TNFRSF8: variants seen among roughly 807,000 people sequenced by gnomAD.
The protein encoded by TNFRSF8 is tumor necrosis factor receptor superfamily member 8.
TNFRSF8 carries 26 observed loss-of-function variants against 70.8 expected under a neutral mutation model. The ratio of observed to expected loss-of-function variants is 0.37; its 90% CI spans 0.27 to 0.51. TNFRSF8 has a LOEUF of 0.51. TNFRSF8 is among the 20% of genes least tolerant of loss of function. The pLI, the probability that TNFRSF8 is intolerant of heterozygous loss-of-function variation, is 0.94. For synonymous variants in TNFRSF8, 356 were observed against 339.2 expected, an observed-to-expected ratio of 1.05 and a Z score of -0.54; for missense variants, 720 against 807.9, an observed-to-expected ratio of 0.89 and a Z score of 1.32.
chr1:12,122,757 T>G (rs1641852802), intron 8 of TNFRSF8, among the ~76,000 whole-genome samples: 1 of 152,216 alleles, frequency 6.6e-6, no homozygotes, highest in African/African-American at 2.4e-5. Flanking sequence ...AGTTTTCTCT[T>G]AAAAGCAAAA....
Position 12,112,092 on chromosome 1 carries a change from C to T in TNFRSF8, c.793+78C>T. Reference sequence around the variant, plus strand: ...CCGTGAACTTCCAGTAACTACTCCCCCTTATGTTTGTGGGTTTTTGATGGG... The same window carrying T: ...CCGTGAACTTCCAGTAACTACTCCCTCTTATGTTTGTGGGTTTTTGATGGG... On this transcript the variant is annotated intron_variant, in intron 7 of 14. Coordinates refer to ENST00000263932, the MANE Select transcript of TNFRSF8 (RefSeq NM_001243.5). The surrounding 1 kb of genome is among the most constrained non-coding windows in gnomAD (Gnocchi z 5.3). 2.8e-6 allele frequency: 3 copies of T among 1,061,844 alleles called. No homozygotes were observed. Among genetic ancestry groups the T allele is most frequent in the Non-Finnish European group, 2.8e-6 (2 of 710,082 alleles). 65.8% of individuals were successfully genotyped at this position (1,061,844 alleles called of 1,614,324 possible).
Position 12,063,799 on chromosome 1 carries a change from G to C in TNFRSF8, c.63+138G>C. The stretch of plus-strand genomic sequence containing the variant: ...GTGAGGGGGCGCGGGTGACAAGCAG[G>C]AACACCGGAATATGCTAGCACCCAC... On this transcript the variant is annotated intron_variant, in intron 1 of 14. Transcript: ENST00000263932. The surrounding 1 kb of genome is among the most constrained non-coding windows in gnomAD (Gnocchi z 7.2). 1 of 811,130 alleles carries C rather than the reference G, an allele frequency of 1.2e-6. No individual in the cohort carries two copies. Among genetic ancestry groups the C allele is most frequent in the Non-Finnish European group, 1.7e-6 (1 of 601,734 alleles). 50.2% of individuals were successfully genotyped at this position (811,130 alleles called of 1,614,324 possible).
At chr1:12,073,560 C>T (rs1280751419) in intron 1 of TNFRSF8, among the ~76,000 whole-genome samples, 3 of 149,966 alleles carry the variant, frequency 2.0e-5, no homozygotes, top group African/African-American at 7.3e-5. Flanking sequence ...TTTTCCCTTT[C>T]CCTTTCCTTT....
At chr1:12,071,935 G>A (rs558323895) in intron 1 of TNFRSF8, among the ~76,000 whole-genome samples, 1 of 152,290 alleles carries the variant, frequency 6.6e-6, no homozygotes, top group African/African-American at 2.4e-5. Flanking sequence ...GACCTCAAGT[G>A]ATCCACCCAT....
In TNFRSF8 at chr1:12,112,006, G is replaced by C; in HGVS notation, c.785G>C (p.Cys262Ser). The change falls in exon 7 of 15, where the codon TGT becomes TCT. Residue 262 changes from cysteine (C) to serine (S), a missense_variant. Cys to Ser is a moderately radical substitution (Grantham distance 112, BLOSUM62 -1). Coordinates refer to ENST00000263932, the MANE Select transcript of TNFRSF8 (RefSeq NM_001243.5). This position sits in a 1 kb window ranked among gnomAD's most constrained non-coding sequence, Gnocchi z 5.3. ...EAGRCTACVS[C>S]SRDDLVEKTP... ...GGCCGCTGCACGGCCTGCGTGAGCT[G>C]TTCTCGAGGTAAGGGCCTCGTCCCT... is the stretch of plus-strand genomic sequence containing the variant. 1 of 1,613,864 alleles carries C rather than the reference G, an allele frequency of 6.2e-7. No homozygotes were observed. The highest frequency in any genetic ancestry group is 8.5e-7 in the Non-Finnish European group (1 of 1,179,810).
chr1:12,079,546 G>A (rs953945808), intron 1 of TNFRSF8, among the ~76,000 whole-genome samples: 1 of 152,238 alleles, frequency 6.6e-6, no homozygotes, highest in African/African-American at 2.4e-5. Context: ...GACTTCTCCG[G>A]GCAGCGGCAG....
rs1302071440 is a variant in TNFRSF8 at position 12,142,795 on chromosome 1, T to C, written c.*264T>C. The C allele has an allele frequency of 2.9e-5, 13 of 451,766 alleles. No homozygotes were observed. The highest frequency in any genetic ancestry group is 7.9e-6 in the Non-Finnish European group (2 of 253,092). 28.0% of individuals were successfully genotyped at this position (451,766 alleles called of 1,614,324 possible). ...AGGGGACTGGATCCCAGCAGTGATG[T>C]TGGTTGAGGCAGCAAACAGATGGCA... is the stretch of plus-strand genomic sequence containing the variant. On this transcript the variant is annotated 3_prime_UTR_variant, in exon 15 of 15. Transcript: ENST00000263932. The surrounding 1 kb of genome is among the most constrained non-coding windows in gnomAD (Gnocchi z 5.0).
chr1:12,117,659 C>T (rs1203119456), intron 8 of TNFRSF8, among the ~76,000 whole-genome samples: 1 of 152,162 alleles, frequency 6.6e-6, no homozygotes, highest in Non-Finnish European at 1.5e-5. Flanking sequence ...TGTCCCCGCT[C>T]AGTGACTGGA....
intron 1 of TNFRSF8, among the ~76,000 whole-genome samples, chr1:12,076,847 G>A (rs952673093): frequency 6.6e-6 from 1 of 152,190 alleles, no homozygotes; most frequent in Non-Finnish European, 1.5e-5. Flanking sequence ...CAGTTAGGAG[G>A]TGACTACTGA....
chr1:12,126,032 G>T lies in TNFRSF8; in HGVS notation c.1235G>T (p.Cys412Phe). 6.2e-7 allele frequency: 1 copy of T among 1,614,178 alleles called. No homozygotes were observed. The highest frequency in any genetic ancestry group is 8.5e-7 in the Non-Finnish European group (1 of 1,180,008). ...SAFLLCHRRA[C>F]RKRIRQKLHL... ...TTCCTCCTGTGCCACCGGAGGGCCT[G>T]CAGGAAGCGAATTCGGCAGAGTAAG... is the stretch of plus-strand genomic sequence containing the variant. The change falls in exon 11 of 15, where the codon TGC becomes TTC. Residue 412 changes from cysteine to phenylalanine, a missense_variant. Physicochemically the swap from Cys to Phe is radical, Grantham distance 205 (BLOSUM62 -2). Transcript: ENST00000263932.
At chr1:12,082,293 C>T (rs901844657) in intron 1 of TNFRSF8, among the ~76,000 whole-genome samples, 1 of 152,186 alleles carries the variant, frequency 6.6e-6, no homozygotes, top group Non-Finnish European at 1.5e-5. Context: ...CGCCTGTAAT[C>T]CCAGCATTGT....
chr1:12,091,069 C>CA (rs1419792356), intron 2 of TNFRSF8, among the ~76,000 whole-genome samples: 1 of 152,150 alleles, frequency 6.6e-6, no homozygotes, highest in Non-Finnish European at 1.5e-5. Flanking sequence ...ATCTGTAAGT[C>CA]AGAGAGAAAG....
chr1:12,114,898 G>A (rs1463376912), intron 7 of TNFRSF8, among the ~76,000 whole-genome samples: 2 of 151,636 alleles, frequency 1.3e-5, no homozygotes, highest in South Asian at 2.1e-4. Flanking sequence ...TAGTAGAGAC[G>A]GGGTTTCACC....
chr1:12,110,467 A>G lies in TNFRSF8; in HGVS notation c.676+263A>G, dbSNP rs1641609808. Among the ~76,000 whole-genome samples, 1 of 151,868 alleles carries G rather than the reference A, an allele frequency of 6.6e-6. No individual in the cohort carries two copies. On this transcript the variant is annotated intron_variant, in intron 6 of 14. Transcript: ENST00000263932. This position sits in a 1 kb window ranked among gnomAD's most constrained non-coding sequence, Gnocchi z 4.0. ...CCCATCTCTCCCTCTATTTCCCTCT[A>G]CGTTGGTTTGTCAGAGGGAAATGGG...
Position 12,063,573 on chromosome 1 carries a change from A to G in TNFRSF8, c.-26A>G. The G allele has an allele frequency of 1.5e-6, 2 of 1,309,564 alleles. No homozygotes were observed. Among genetic ancestry groups the G allele is most frequent in the Non-Finnish European group, 9.8e-7 (1 of 1,021,888 alleles). 81.1% of individuals were successfully genotyped at this position (1,309,564 alleles called of 1,614,324 possible). A position where few individuals can be genotyped will look rare whatever the true frequency, so the allele number is the denominator to read the frequency against. On this transcript the variant is annotated 5_prime_UTR_variant, in exon 1 of 15. Transcript: ENST00000263932. This position sits in a 1 kb window ranked among gnomAD's most constrained non-coding sequence, Gnocchi z 7.2. ...GCTTCCCAGGTGGGCGCCGGCCGCCAGGCCACCTCACGTCCGGCCCCGGGG... is the reference window on the plus strand; with the variant it reads ...GCTTCCCAGGTGGGCGCCGGCCGCCGGGCCACCTCACGTCCGGCCCCGGGG...
intron 1 of TNFRSF8, among the ~76,000 whole-genome samples, 192 bp from the exon 2 acceptor site, chr1:12,084,272 A>G (rs1474069198): frequency 1.3e-5 from 2 of 152,068 alleles, no homozygotes; most frequent in African/African-American, 4.8e-5. Context: ...GGAGACGCTA[A>G]AGTTTCTGGC....
In TNFRSF8 at chr1:12,126,065, G is replaced by A; in HGVS notation, c.1255+13G>A. The stretch of plus-strand genomic sequence containing the variant: ...CGAATTCGGCAGAGTAAGTGGCTGT[G>A]TCCTTGGGGCCTTGGGGAGGACAGG... On this transcript the variant is annotated intron_variant, in intron 11 of 14. Coordinates refer to ENST00000263932, the MANE Select transcript of TNFRSF8 (RefSeq NM_001243.5). 6.2e-7 allele frequency: 1 copy of A among 1,613,846 alleles called. No homozygotes were observed. The highest frequency in any genetic ancestry group is 2.2e-5 in the East Asian group (1 of 44,882).
In TNFRSF8 at chr1:12,112,483, A is replaced by G. The variant is rs1332436125; in HGVS notation, c.793+469A>G. Among the ~76,000 whole-genome samples the G allele has an allele frequency of 6.6e-6, 1 of 151,620 alleles. No homozygotes were observed. Among genetic ancestry groups the G allele is most frequent in the African/African-American group, 2.4e-5 (1 of 41,204 alleles). On this transcript the variant is annotated intron_variant, in intron 7 of 14. Transcript: ENST00000263932. This position sits in a 1 kb window ranked among gnomAD's most constrained non-coding sequence, Gnocchi z 5.3. ...TAGCTCCCTGCAGCTGTGACCTCCC[A>G]GGATCACATGATCCTTTTGCCTCAG... is the stretch of plus-strand genomic sequence containing the variant.
In TNFRSF8 at chr1:12,119,298, C is replaced by T. The variant is rs952617678; in HGVS notation, c.946+3569C>T. Among the ~76,000 whole-genome samples, 2 of 152,182 alleles carry T rather than the reference C, an allele frequency of 1.3e-5. No homozygotes were observed. The highest frequency in any genetic ancestry group is 2.9e-5 in the Non-Finnish European group (2 of 68,034). ...TCCCTGATTCCCTCTGTGCATCCCCCACCAGCCACAGGTCTTTGGCACCCC... is the reference window on the plus strand; with the variant it reads ...TCCCTGATTCCCTCTGTGCATCCCCTACCAGCCACAGGTCTTTGGCACCCC... On this transcript the variant is annotated intron_variant, in intron 8 of 14. Transcript: ENST00000263932. This position sits in a 1 kb window ranked among gnomAD's most constrained non-coding sequence, Gnocchi z 4.4.
Sources: gnomAD v4.1 joint callset for allele counts (sites outside exome capture counted in the v4.1 genomes callset) on GRCh38, gnomAD v4.1.1 for gene constraint, Gnocchi (gnomAD v3.1) non-coding constraint, MANE v1.5 for transcripts, NCBI Gene and HGNC (gene_info 2026-07-23, HGNC 2026-07-21) for gene names.